Variants in SIL1 observed in about 807,000 individuals in gnomAD.
The protein encoded by SIL1 is SIL1 nucleotide exchange factor.
A neutral mutation model predicts 49.1 loss-of-function variants in SIL1; 40 were observed. That is an observed-to-expected ratio of 0.81 (90% CI 0.63 to 1.06). The LOEUF (loss-of-function observed/expected upper bound fraction) is 1.06. Ranked by LOEUF, SIL1 falls within the 50% of genes least tolerant of loss-of-function variation. The probability of loss-of-function intolerance (pLI) is 0.00; values close to 1 mark genes in which losing one functional copy is unlikely to be tolerated. For synonymous variants in SIL1, 253 were observed against 250.8 expected (o/e 1.01, Z -0.08); for missense variants, 500 against 572.6 (o/e 0.87, Z 1.29).
At chr5:139,022,410 T>C (rs1768549130) in intron 6 of SIL1, 1 of 152,242 alleles carries the variant, frequency 6.6e-6, no homozygotes, top group Non-Finnish European at 1.5e-5. Flanking sequence ...TTGTTGCCAC[T>C]TGAAAAATCA....
At chr5:139,133,438 C>T (rs1164574581) in intron 1 of SIL1, 1 of 152,268 alleles carries the variant, frequency 6.6e-6, no homozygotes, top group Non-Finnish European at 1.5e-5. Flanking sequence ...GTCTTCCACA[C>T]AATTCAGACA....
intron 3 of SIL1, among the ~76,000 whole-genome samples, chr5:139,093,116 C>T (rs563515562): frequency 9.9e-5 from 15 of 152,266 alleles, no homozygotes; most frequent in Middle Eastern, 3.4e-3. Flanking sequence ...CATAGCAACA[C>T]TCCGTCTCTT....
chr5:139,141,804 A>G (rs1581130035), intron 1 of SIL1, among the ~76,000 whole-genome samples: 2 of 152,236 alleles, frequency 1.3e-5, no homozygotes, highest in African/African-American at 2.4e-5. Flanking sequence ...ACTGTGCTCA[A>G]TGGAATCTTT....
chr5:139,167,143 C>A (rs1751640218), intron 1 of SIL1, among the ~76,000 whole-genome samples: 1 of 151,780 alleles, frequency 6.6e-6, no homozygotes, highest in African/African-American at 2.4e-5. Context: ...AGACTACTAA[C>A]ACGGTTTCGC....
At chr5:139,194,908 AG>A (rs1175737038) in intron 1 of SIL1, among the ~76,000 whole-genome samples, 1 of 151,782 alleles carries the variant, frequency 6.6e-6, no homozygotes, top group East Asian at 1.9e-4. Context: ...ATTTCGAAAA[AG>A]GTACAACTTC....
chr5:139,055,820 G>A (rs1021324821), intron 3 of SIL1, among the ~76,000 whole-genome samples: 11 of 150,266 alleles, frequency 7.3e-5, no homozygotes, highest in Admixed American at 3.9e-4. Flanking sequence ...GCAGGCACGC[G>A]CCGCCACGCC....
At chr5:139,064,013 T>G (rs1288886829) in intron 3 of SIL1, among the ~76,000 whole-genome samples, 1 of 152,222 alleles carries the variant, frequency 6.6e-6, no homozygotes, top group Non-Finnish European at 1.5e-5. Flanking sequence ...AAAAGCAAAG[T>G]GCCAAGATAT....
intron 1 of SIL1, among the ~76,000 whole-genome samples, chr5:139,188,251 G>A (rs1399957077): frequency 6.6e-6 from 1 of 152,154 alleles, no homozygotes; most frequent in Non-Finnish European, 1.5e-5. Context: ...AGAAATAAGA[G>A]GGCGCTTCTG....
intron 3 of SIL1, among the ~76,000 whole-genome samples, chr5:139,099,129 T>C (rs145647273): frequency 1.9e-3 from 296 of 152,202 alleles, no homozygotes; most frequent in African/African-American, 6.9e-3. Context: ...AATAGACATT[T>C]CTTAAAAGAA....
intron 1 of SIL1, among the ~76,000 whole-genome samples, chr5:139,159,546 C>A (rs1056858150): frequency 6.6e-6 from 1 of 152,086 alleles, no homozygotes; most frequent in Non-Finnish European, 1.5e-5. Flanking sequence ...ATTTTAAGAG[C>A]TTTGAGGCTT....
intron 3 of SIL1, among the ~76,000 whole-genome samples, chr5:139,112,636 G>A (rs1770885966): frequency 2.0e-5 from 3 of 148,932 alleles, no homozygotes; most frequent in Admixed American, 1.3e-4. Context: ...AGGGAGGTGG[G>A]GGCCAGCCCC....
chr5:139,105,114 C>T (rs1183595182), intron 3 of SIL1, among the ~76,000 whole-genome samples: 4 of 152,148 alleles, frequency 2.6e-5, no homozygotes, highest in African/African-American at 4.8e-5. Flanking sequence ...ATCCTAGATC[C>T]GTGGGTGAGG....
At chr5:139,146,388 C>T (rs1178774159) in intron 1 of SIL1, among the ~76,000 whole-genome samples, 2 of 152,026 alleles carry the variant, frequency 1.3e-5, no homozygotes, top group Non-Finnish European at 2.9e-5. Context: ...GAGACCCTGT[C>T]TCTACAAAAA....
At chr5:139,048,906 G>C (rs1769228361) in intron 4 of SIL1, among the ~76,000 whole-genome samples, 2 of 152,226 alleles carry the variant, frequency 1.3e-5, no homozygotes, top group African/African-American at 4.8e-5. Context: ...GGCCTACCTG[G>C]AGGAATGAGG....
chr5:139,046,816 G>T (rs1252222019), intron 4 of SIL1, among the ~76,000 whole-genome samples: 2 of 152,134 alleles, frequency 1.3e-5, no homozygotes, highest in African/African-American at 4.8e-5. Flanking sequence ...AGCCACATTG[G>T]TTCCTTTCCT....
At chr5:139,093,568 G>A (rs564193820) in intron 3 of SIL1, among the ~76,000 whole-genome samples, 40 of 152,276 alleles carry the variant, frequency 2.6e-4, no homozygotes, top group African/African-American at 8.7e-4. Flanking sequence ...GTTAATGGAG[G>A]TCTTCAAAAC....
chr5:138,972,736 CT>C (rs1335858971), intron 7 of SIL1, among the ~76,000 whole-genome samples: 1 of 152,194 alleles, frequency 6.6e-6, no homozygotes, highest in Non-Finnish European at 1.5e-5. Context: ...AGCAACTAAC[CT>C]TTTTCTTCCT....
intron 3 of SIL1, among the ~76,000 whole-genome samples, chr5:139,092,263 A>C (rs1770359096): frequency 6.6e-6 from 1 of 152,104 alleles, no homozygotes; most frequent in African/African-American, 2.4e-5. Flanking sequence ...TTTCTTGGAC[A>C]CTCAGACTTT....
At chr5:139,193,842 A>T (rs1045550470) in intron 1 of SIL1, among the ~76,000 whole-genome samples, 2 of 152,148 alleles carry the variant, frequency 1.3e-5, no homozygotes, top group Non-Finnish European at 2.9e-5. Context: ...CACTCTTCTC[A>T]AGAGAGAGAT....
Sources: gnomAD v4.1 joint callset for allele counts (sites outside exome capture counted in the v4.1 genomes callset) on GRCh38, gnomAD v4.1.1 for gene constraint, MANE v1.5 for transcripts, NCBI Gene and HGNC (gene_info 2026-07-23, HGNC 2026-07-21) for gene names.